Variants in JSRP1 observed in about 807,000 individuals in gnomAD.
The protein encoded by JSRP1 is junctional sarcoplasmic reticulum protein 1.
A neutral mutation model predicts 21.4 loss-of-function variants in JSRP1; 29 were observed. The observed-to-expected ratio is 1.36, with a 90% CI of 1.01 to 1.85. The LOEUF is 1.85. Ranked by LOEUF, JSRP1 falls within the 40% of genes most tolerant of loss-of-function variation. The probability of loss-of-function intolerance (pLI) is 0.00; values close to 1 mark genes in which losing one functional copy is unlikely to be tolerated. For synonymous variants in JSRP1, 221 were observed against 206.1 expected (o/e 1.07, Z -0.62); for missense variants, 531 against 461.5 (o/e 1.15, Z -1.38).
chr19:2,254,407 G>T (rs369186403), intron 3 of JSRP1, 38 bp downstream of exon 3: 6 of 1,611,908 alleles, frequency 3.7e-6, no homozygotes, highest in African/African-American at 1.3e-5. Flanking sequence ...AACTCCCCAG[G>T]CGTCCTGGGT....
At chr19:2,254,584 T>G (rs2145039175) in intron 2 of JSRP1, 102 bp from the exon 3 acceptor site, 1 of 1,311,074 alleles carries the variant, frequency 7.6e-7, no homozygotes, top group African/African-American at 1.5e-5. Context: ...AACCCCATCT[T>G]ATAGATAAGA....
At chr19:2,252,850 G>A (rs956131483) in intron 6 of JSRP1, 54 bp from the exon 7 acceptor site, 20 of 1,595,384 alleles carry the variant, frequency 1.3e-5, no homozygotes, top group Non-Finnish European at 1.6e-5. Context: ...CCCGGCCCGG[G>A]CTCCTTCTTT....
In JSRP1 at chr19:2,256,404, C is replaced by T. The variant is rs558464046; in HGVS notation, c.-52G>A. 6.6e-6 allele frequency: 1 copy of T among 152,522 alleles called. No homozygotes were observed. The highest frequency in any genetic ancestry group is 2.1e-4 in the South Asian group (1 of 4,842). 9.4% of individuals were successfully genotyped at this position (152,522 alleles called of 1,614,324 possible). Reference sequence around the variant, plus strand: ...TTACCCGCCAGCCGCTTTGCTGAGCCTTGTGGACAGGACGGAGGATGGGGA... The same window carrying T: ...TTACCCGCCAGCCGCTTTGCTGAGCTTTGTGGACAGGACGGAGGATGGGGA... On this transcript the variant is annotated 5_prime_UTR_variant, in exon 1 of 7. Transcript: ENST00000300961.
chr19:2,254,360 G>T (rs1195156953), intron 3 of JSRP1, 59 bp from the exon 4 acceptor site: 2 of 1,602,174 alleles, frequency 1.2e-6, no homozygotes, highest in Admixed American at 1.7e-5. Flanking sequence ...CTTCCCGTGG[G>T]CTTTAGACAC....
intron 5 of JSRP1, 80 bp from the exon 6 acceptor site, chr19:2,253,083 C>T (rs114080662): frequency 0.026 from 26,322 of 1,007,516 alleles, 541 homozygotes; most frequent in South Asian, 0.066. Context: ...ACCCCTAGAG[C>T]CCCCCTCCCT....
chr19:2,255,334 C>G lies in JSRP1; in HGVS notation c.-20G>C. 6.4e-7 allele frequency: 1 copy of G among 1,559,600 alleles called. No individual in the cohort carries two copies. The highest frequency in any genetic ancestry group is 8.8e-7 in the Non-Finnish European group (1 of 1,137,262). ...GGACATGGCTGGAGCAGCAGCAGGT[C>G]CCAGGCCAGGCTGGGAGGGGTGGGG... On this transcript the variant is annotated 5_prime_UTR_variant, in exon 2 of 7. Coordinates refer to ENST00000300961, the MANE Select transcript of JSRP1 (RefSeq NM_144616.4).
Position 2,253,774 on chromosome 19 carries a change from C to T in JSRP1, c.282G>A (p.Ala94=), listed in dbSNP as rs1315025893. Residue 94 remains alanine, a synonymous_variant, in exon 5 of 7, where the codon GCG becomes GCA. Transcript: ENST00000300961. The part of the protein sequence containing the change: ...KAGASPRSVP[A]RKKAQTAPPL... ...GCGGCGCGGTCTGCGCCTTCTTGCG[C>T]GCGGGGACGCTCCGAGGGCCTGCGG... The T allele has an allele frequency of 1.4e-6, 2 of 1,425,384 alleles. No individual in the cohort carries two copies. The highest frequency in any genetic ancestry group is 1.8e-6 in the Non-Finnish European group (2 of 1,101,638). 88.3% of individuals were successfully genotyped at this position (1,425,384 alleles called of 1,614,324 possible). A position where few individuals can be genotyped will look rare whatever the true frequency, so the allele number is the denominator to read the frequency against.
At position 2,253,031 on chromosome 19, in the gene JSRP1, C is replaced by T. The variant is rs766980650; in HGVS notation, c.437-28G>A. On this transcript the variant is annotated intron_variant, in intron 5 of 6. Coordinates refer to ENST00000300961, the MANE Select transcript of JSRP1 (RefSeq NM_144616.4). ...GCAGCGACAGGGTCGGGACCCGAGT[C>T]AGCTGGGCCGAGGCACGGTCCACAC... is the stretch of plus-strand genomic sequence containing the variant. 1.3e-5 allele frequency: 20 copies of T among 1,533,816 alleles called. No homozygotes were observed. The Admixed American group carries it at 3.7e-4, about 28-fold the overall frequency.
At chr19:2,252,888 C>T in intron 6 of JSRP1, 24 bp downstream of exon 6, 1 of 1,602,912 alleles carries the variant, frequency 6.2e-7, no homozygotes, top group African/African-American at 1.3e-5. Context: ...CCAATGCCCG[C>T]GGTCAGTGGA....
intron 3 of JSRP1, 68 bp downstream of exon 3, chr19:2,254,377 C>T: frequency 6.2e-7 from 1 of 1,606,682 alleles, no homozygotes; most frequent in South Asian, 1.1e-5. Context: ...ACACCTGCCT[C>T]CCTTGGTCGG....
Position 2,253,869 on chromosome 19 carries a change from G to A in JSRP1, c.263-76C>T, listed in dbSNP as rs1244299718. ...CCTTCCCCGGGCGCAGGGGACAAGAGACAGGCCTGTGCCCTGAACCCGGCT... is the reference window on the plus strand; with the variant it reads ...CCTTCCCCGGGCGCAGGGGACAAGAAACAGGCCTGTGCCCTGAACCCGGCT... On this transcript the variant is annotated intron_variant, in intron 4 of 6. Coordinates refer to ENST00000300961, the MANE Select transcript of JSRP1 (RefSeq NM_144616.4). 7 of 1,327,988 alleles carry A rather than the reference G, an allele frequency of 5.3e-6. No individual in the cohort carries two copies. The African/African-American group carries it at 9.4e-5, about 18-fold the overall frequency. 82.3% of individuals were successfully genotyped at this position (1,327,988 alleles called of 1,614,324 possible). A position where few individuals can be genotyped will look rare whatever the true frequency, so the allele number is the denominator to read the frequency against.
chr19:2,253,806 G>C lies in JSRP1; in HGVS notation c.263-13C>G. The C allele has an allele frequency of 7.2e-7, 1 of 1,380,048 alleles. No homozygotes were observed. Among genetic ancestry groups the C allele is most frequent in the Non-Finnish European group, 9.3e-7 (1 of 1,078,324 alleles). The allele number at this position is 1,380,048 out of a possible 1,614,324, so 85.5% of individuals were successfully genotyped here. ...ACGCTCCGAGGGCCTGCGGGGGCAA[G>C]TGCGCGCTGCGCTGTGGTCACTGGC... is the stretch of plus-strand genomic sequence containing the variant. On this transcript the variant is annotated splice_polypyrimidine_tract_variant and intron_variant, in intron 4 of 6. Coordinates refer to ENST00000300961, the MANE Select transcript of JSRP1 (RefSeq NM_144616.4).
In JSRP1 at chr19:2,255,104, T is replaced by C; in HGVS notation, c.109+102A>G. ...ACATGGGGAGCACACTATAAGCCAG[T>C]CCAGTGTGGGAGGCTAAGAAGCTCT... On this transcript the variant is annotated intron_variant, in intron 2 of 6. Coordinates refer to ENST00000300961, the MANE Select transcript of JSRP1 (RefSeq NM_144616.4). 3 of 727,802 alleles carry C rather than the reference T, an allele frequency of 4.1e-6. No homozygotes were observed. The East Asian group carries it at 8.1e-5, about 20-fold the overall frequency. The allele number at this position is 727,802 out of a possible 1,614,324, so 45.1% of individuals were successfully genotyped here.
At position 2,252,348 on chromosome 19, in the gene JSRP1, G is replaced by C; in HGVS notation, c.977C>G (p.Ala326Gly). 5 of 1,530,306 alleles carry C rather than the reference G, an allele frequency of 3.3e-6. No individual in the cohort carries two copies. The highest frequency in any genetic ancestry group is 3.5e-6 in the Non-Finnish European group (4 of 1,142,560). The allele number at this position is 1,530,306 out of a possible 1,614,324, so 94.8% of individuals were successfully genotyped here. ...GCCGGCTCAGTCCCGCCCCTTGCCT[G>C]CGCGGAGCTTCTGGCGACTCCCAGG... is the stretch of plus-strand genomic sequence containing the variant. ...QRPGSRQKLR[A>G]GKGRD The change falls in exon 7 of 7, where the codon GCA becomes GGA. Residue 326 changes from alanine to glycine, a missense_variant. Coordinates refer to ENST00000300961, the MANE Select transcript of JSRP1 (RefSeq NM_144616.4).
At chr19:2,253,579 G>A in intron 5 of JSRP1, 41 bp downstream of exon 5, 1 of 1,404,468 alleles carries the variant, frequency 7.1e-7, no homozygotes, top group African/African-American at 1.5e-5. Flanking sequence ...GCGCACAGGT[G>A]GACCCCAGCC....
rs2025105393 is a variant in JSRP1 at position 2,253,781 on chromosome 19, A to ACGCTCCGAGGGCCTGCGGGGG, written c.263-9_274dup (p.Ser91_Val92insAlaProAlaGlyProArgSer). The ACGCTCCGAGGGCCTGCGGGGG allele has an allele frequency of 4.2e-6, 6 of 1,414,720 alleles. No homozygotes were observed. The highest frequency in any genetic ancestry group is 3.2e-5 in the Admixed American group (1 of 30,880). The allele number at this position is 1,414,720 out of a possible 1,614,324, so 87.6% of individuals were successfully genotyped here. A position where few individuals can be genotyped will look rare whatever the true frequency, so the allele number is the denominator to read the frequency against. On this transcript the variant is annotated inframe_insertion, in exon 5 of 7. Coordinates refer to ENST00000300961, the MANE Select transcript of JSRP1 (RefSeq NM_144616.4). ...GGTCTGCGCCTTCTTGCGCGCGGGG[A>ACGCTCCGAGGGCCTGCGGGGG]CGCTCCGAGGGCCTGCGGGGGCAAG... is the stretch of plus-strand genomic sequence containing the variant.
At position 2,252,989 on chromosome 19, in the gene JSRP1, C is replaced by A; in HGVS notation, c.451G>T (p.Glu151Ter). The A allele has an allele frequency of 6.2e-7, 1 of 1,604,516 alleles. No individual in the cohort carries two copies. The highest frequency in any genetic ancestry group is 2.2e-5 in the East Asian group (1 of 44,504). ...GGCACACGTGCTTGGAGTGCTGCCTCCCCAGGGACGGCGTCTGCAGCGACA... is the reference window on the plus strand; with the variant it reads ...GGCACACGTGCTTGGAGTGCTGCCTACCCAGGGACGGCGTCTGCAGCGACA... ...FQLCRDAVPG[E>*]AALQARVPEP... is the part of the protein sequence containing the mutation. Residue 151 changes from glutamate (E) to a stop codon, truncating the protein, a stop_gained, in exon 6 of 7, where the codon GAG becomes TAG. Transcript: ENST00000300961. LOFTEE classifies it high-confidence loss of function.
chr19:2,253,733 G>A lies in JSRP1; in HGVS notation c.323C>T (p.Pro108Leu), dbSNP rs74521370. 0.017 allele frequency: 25,623 copies of A among 1,487,680 alleles called. 271 individuals carry two copies. The highest frequency in any genetic ancestry group is 0.021 in the Non-Finnish European group (23,174 of 1,127,120). 92.2% of individuals were successfully genotyped at this position (1,487,680 alleles called of 1,614,324 possible). Residue 108 changes from proline (P) to leucine (L), a missense_variant, in exon 5 of 7, where the codon CCG (proline) becomes CTG (leucine). Coordinates refer to ENST00000300961, the MANE Select transcript of JSRP1 (RefSeq NM_144616.4). ...AQTAPPLQPPPPPPALSEELP... is the reference protein window; with the variant it reads ...AQTAPPLQPPLPPPALSEELP... The stretch of plus-strand genomic sequence containing the variant: ...CTCCTCGCTCAGGGCCGGGGGCGGC[G>A]GCGGCGGCTGCAGGGGCGGCGCGGT...
intron 1 of JSRP1, 110 bp downstream of exon 1, chr19:2,256,273 G>C (rs1351789567): frequency 6.6e-6 from 1 of 152,336 alleles, no homozygotes; most frequent in Non-Finnish European, 1.5e-5. Flanking sequence ...GGCAGCTCCA[G>C]GAATTGGGGA....
Sources: gnomAD v4.1 joint callset for allele counts on GRCh38, gnomAD v4.1.1 for gene constraint, MANE v1.5 for transcripts, NCBI Gene and HGNC (gene_info 2026-07-23, HGNC 2026-07-21) for gene names.